CHLSN: variants seen among roughly 807,000 people sequenced by gnomAD.
The protein encoded by CHLSN is cholesin, also known as protein cholesin.
At chr7:1,136,260 CATAT>C in the CHLSN span, among the ~76,000 whole-genome samples, 2 of 104,098 alleles carry the variant, frequency 1.9e-5, no homozygotes, top group Non-Finnish European at 3.5e-5. Context: ...TATATATAAA[CATAT>C]ATAAATATAT....
At chr7:1,092,191 C>T in the CHLSN span, 5 of 1,613,264 alleles carry the variant, frequency 3.1e-6, no homozygotes, top group Admixed American at 1.7e-5. Context: ...GAGCTTCGAC[C>T]GCTACATCGC....
At chr7:1,088,944 G>C in the CHLSN span, among the ~76,000 whole-genome samples, 1 of 151,978 alleles carries the variant, frequency 6.6e-6, no homozygotes, top group African/African-American at 2.4e-5. The surrounding 1 kb of genome is among the most constrained non-coding windows in gnomAD (Gnocchi z 4.5). Context: ...ACGATCAAAA[G>C]ACTCAATTTA....
chr7:1,028,574 T>C, the CHLSN span: 14 of 984,906 alleles, frequency 1.4e-5, no homozygotes, highest in Non-Finnish European at 1.7e-5. Context: ...CCGGTCCACC[T>C]GCGCGAACTG....
At chr7:1,092,141 A>G in the CHLSN span, 1 of 1,613,674 alleles carries the variant, frequency 6.2e-7, no homozygotes, top group Non-Finnish European at 8.5e-7. Context: ...CTCTTCCTGC[A>G]GGTCAACATG....
the CHLSN span, among the ~76,000 whole-genome samples, chr7:1,122,495 A>C: frequency 6.8e-6 from 1 of 147,208 alleles, no homozygotes; most frequent in Non-Finnish European, 1.5e-5. Flanking sequence ...AGACAGAAAC[A>C]GAGAAGCTAA....
At chr7:1,035,487 C>A in the CHLSN span, among the ~76,000 whole-genome samples, 1 of 152,212 alleles carries the variant, frequency 6.6e-6, no homozygotes. Flanking sequence ...CACAGGAAAA[C>A]AATAAACCTC....
chr7:983,481 TC>T, the CHLSN span: 1 of 1,238,006 alleles, frequency 8.1e-7, no homozygotes, highest in East Asian at 3.0e-5. Context: ...CACTGCCTGT[TC>T]CCACATGGTG....
chr7:1,100,041 G>A, the CHLSN span, among the ~76,000 whole-genome samples: 2 of 152,182 alleles, frequency 1.3e-5, no homozygotes, highest in Non-Finnish European at 1.5e-5. Context: ...CTGAGCCCCC[G>A]TCCCCGTTCT....
At chr7:1,122,084 C>G in the CHLSN span, among the ~76,000 whole-genome samples, 160 of 152,348 alleles carry the variant, frequency 1.1e-3, no homozygotes, top group African/African-American at 3.6e-3. Flanking sequence ...CTGGTCTCTG[C>G]TAGTGGGCTC....
the CHLSN span, among the ~76,000 whole-genome samples, chr7:1,100,625 G>A: frequency 6.6e-6 from 1 of 152,148 alleles, no homozygotes; most frequent in Admixed American, 6.5e-5. Flanking sequence ...TGGCTCTCTG[G>A]CAGGTGGTGA....
chr7:1,094,128 G>A, the CHLSN span, among the ~76,000 whole-genome samples: 7 of 152,238 alleles, frequency 4.6e-5, no homozygotes, highest in Non-Finnish European at 7.3e-5. Flanking sequence ...GCTCTCGGCC[G>A]CGTGCGAGGC....
the CHLSN span, among the ~76,000 whole-genome samples, chr7:1,129,906 T>C: frequency 6.6e-6 from 1 of 152,204 alleles, no homozygotes; most frequent in Non-Finnish European, 1.5e-5. Flanking sequence ...AAAATCTGCC[T>C]GCTCTCTAAT....
chr7:1,118,799 C>CAAAAAAAAAAAAA, the CHLSN span, among the ~76,000 whole-genome samples: 2 of 76,244 alleles, frequency 2.6e-5, no homozygotes, highest in African/African-American at 9.7e-5. Flanking sequence ...CCATCTCTAC[C>CAAAAAAAAAAAAA]AAAAAAAAAA....
At chr7:1,048,051 G>A in the CHLSN span, among the ~76,000 whole-genome samples, 2 of 152,184 alleles carry the variant, frequency 1.3e-5, no homozygotes, top group African/African-American at 2.4e-5. Context: ...AAAGACTGGC[G>A]GAGGGGTGTG....
chr7:1,097,436 T>A, the CHLSN span, among the ~76,000 whole-genome samples: 1 of 152,180 alleles, frequency 6.6e-6, no homozygotes, highest in Non-Finnish European at 1.5e-5. The surrounding 1 kb of genome is among the most constrained non-coding windows in gnomAD (Gnocchi z 4.3). Flanking sequence ...TGATAGACCA[T>A]GAAAAGCAGG....
At chr7:1,030,963 T>TAAGG in the CHLSN span, among the ~76,000 whole-genome samples, 20 of 152,318 alleles carry the variant, frequency 1.3e-4, no homozygotes, top group South Asian at 3.1e-3. Flanking sequence ...CAGGCTGAGC[T>TAAGG]AAGGGCCCCT....
the CHLSN span, among the ~76,000 whole-genome samples, chr7:1,122,972 G>A: frequency 2.0e-5 from 3 of 152,162 alleles, no homozygotes; most frequent in Admixed American, 1.3e-4. Flanking sequence ...GCCCATGGGA[G>A]CAACTGTTCC....
chr7:981,296 CA>C, the CHLSN span, among the ~76,000 whole-genome samples: 1,261 of 84,340 alleles, frequency 0.015, 15 homozygotes, highest in East Asian at 0.1. Context: ...GACTCCATCT[CA>C]AAAAAAAAAA....
At chr7:1,077,195 G>A in the CHLSN span, among the ~76,000 whole-genome samples, 9 of 152,024 alleles carry the variant, frequency 5.9e-5, no homozygotes, top group Non-Finnish European at 1.3e-4. Context: ...TCTCTCTGTC[G>A]CCCAGGCTGG....
Sources: allele counts gnomAD v4.1 joint callset (sites outside exome capture counted in the v4.1 genomes callset), GRCh38; gene constraint gnomAD v4.1.1; non-coding constraint Gnocchi (gnomAD v3.1); transcripts MANE v1.5; gene names NCBI Gene and HGNC (gene_info 2026-07-23, HGNC 2026-07-21).